The following PRKCH variants were observed in gnomAD, a reference collection of about 807,000 sequenced individuals.
The protein encoded by PRKCH is protein kinase C eta, also known as protein kinase C eta type.
Under a neutral mutation model 82.5 loss-of-function variants are expected in PRKCH, and 28 were observed. The observed-to-expected ratio is 0.34, with a 90% CI of 0.25 to 0.47. PRKCH has a LOEUF of 0.47. Among genes scored for constraint, PRKCH ranks in the 20% least tolerant of loss-of-function variants. The pLI is 1.00. For missense variants in PRKCH, 705 were observed against 881.8 expected, an observed-to-expected ratio of 0.80 and a Z score of 2.54; for synonymous variants, 322 against 327.4, an observed-to-expected ratio of 0.98 and a Z score of 0.18.
intron 1 of PRKCH, among the ~76,000 whole-genome samples, chr14:61,351,585 A>G (rs1351538217): frequency 6.6e-6 from 1 of 152,162 alleles, no homozygotes; most frequent in African/African-American, 2.4e-5. Flanking sequence ...TATTTGAGGG[A>G]ACTAAGTGGT....
Position 61,529,005 on chromosome 14 carries a change from T to TGTGTGTGTGTGTGTGTGC in PRKCH, c.1434-69_1434-68insTGTGTGTGTGTGTGTGCG, listed in dbSNP as rs1491304992. ...GTGTGTGTGTGTGTGTGTGTGTGTG[T>TGTGTGTGTGTGTGTGTGC]GCCCATTCTGAGAGGTGGATGGTTT... On this transcript the variant is annotated intron_variant, in intron 10 of 13. Coordinates refer to ENST00000332981, the MANE Select transcript of PRKCH (RefSeq NM_006255.5). The TGTGTGTGTGTGTGTGTGC allele has an allele frequency of 1.2e-3, 1,701 of 1,460,388 alleles. 78 individuals are homozygous for TGTGTGTGTGTGTGTGTGC. The African/African-American group carries it at 0.024, about 21-fold the overall frequency. The allele number at this position is 1,460,388 out of a possible 1,614,324, so 90.5% of individuals were successfully genotyped here.
Position 61,204,062 on chromosome 14 carries a change from G to A in PRKCH, c.-19+16394G>A, listed in dbSNP as rs373775951. ...AAGCTAAAGATGAGTAAATTATAAT[G>A]TATTTAACTAATGTTAAATACATTA... On this transcript the variant is annotated intron_variant, in intron 1 of 3. Coordinates refer to the PRKCH transcript ENST00000555185. Among the ~76,000 whole-genome samples the A allele has an allele frequency of 1.9e-4, 28 of 151,116 alleles. 2 individuals are homozygous for A. The highest frequency in any genetic ancestry group is 1.5e-3 in the Admixed American group (23 of 15,238).
intron 1 of PRKCH, among the ~76,000 whole-genome samples, chr14:61,268,063 A>C (rs1192868338): frequency 6.6e-6 from 1 of 152,194 alleles, no homozygotes; most frequent in Non-Finnish European, 1.5e-5. Flanking sequence ...AACTCTTCGG[A>C]ATCCCTTAAA....
At chr14:61,350,567 C>T (rs559660780) in intron 1 of PRKCH, among the ~76,000 whole-genome samples, 49 of 152,266 alleles carry the variant, frequency 3.2e-4, no homozygotes, top group African/African-American at 1.1e-3. Flanking sequence ...CAGAGACTCT[C>T]TTCTCACCTC....
chr14:61,346,341 T>C (rs2045991872), intron 1 of PRKCH, among the ~76,000 whole-genome samples: 1 of 152,206 alleles, frequency 6.6e-6, no homozygotes, highest in Admixed American at 6.5e-5. Context: ...TCTTTACTCC[T>C]AACAGTGAAT....
chr14:61,393,394 C>A (rs2046717201), intron 2 of PRKCH, among the ~76,000 whole-genome samples: 1 of 152,026 alleles, frequency 6.6e-6, no homozygotes. Flanking sequence ...ATCTTTAAAC[C>A]CATCTGTAGT....
chr14:61,483,401 C>G (rs1886068240), intron 9 of PRKCH, among the ~76,000 whole-genome samples: 1 of 152,246 alleles, frequency 6.6e-6, no homozygotes, highest in Non-Finnish European at 1.5e-5. Flanking sequence ...GCTGTATTTA[C>G]ATAGTTTGCC....
At chr14:61,389,307 A>C (rs2046636992) in intron 1 of PRKCH, among the ~76,000 whole-genome samples, 1 of 151,806 alleles carries the variant, frequency 6.6e-6, no homozygotes, top group African/African-American at 2.4e-5. Flanking sequence ...TCATGATTGC[A>C]GCATTGAAGT....
chr14:61,348,934 T>A (rs1370777696), intron 1 of PRKCH, among the ~76,000 whole-genome samples: 3 of 152,230 alleles, frequency 2.0e-5, no homozygotes, highest in Non-Finnish European at 4.4e-5. Context: ...ACTCTCTTAG[T>A]ATTTGTTGTA....
chr14:61,218,423 T>C (rs1472859444), intron 1 of PRKCH, among the ~76,000 whole-genome samples: 1 of 152,172 alleles, frequency 6.6e-6, no homozygotes, highest in East Asian at 1.9e-4. Flanking sequence ...AACATCCGCC[T>C]TCATTGTTGG....
intron 1 of PRKCH, among the ~76,000 whole-genome samples, chr14:61,329,573 A>G (rs1256005093): frequency 6.6e-6 from 1 of 152,160 alleles, no homozygotes; most frequent in Non-Finnish European, 1.5e-5. Context: ...GATGTTCTCC[A>G]TGATCTGTAC....
At chr14:61,286,096 A>G (rs745803384) in intron 1 of PRKCH, among the ~76,000 whole-genome samples, 3 of 152,248 alleles carry the variant, frequency 2.0e-5, no homozygotes, top group Non-Finnish European at 2.9e-5. Flanking sequence ...TAGTTCATTT[A>G]ATTCATGACT....
chr14:61,497,353 T>C (rs1470778846), intron 10 of PRKCH, among the ~76,000 whole-genome samples: 1 of 152,176 alleles, frequency 6.6e-6, no homozygotes, highest in Non-Finnish European at 1.5e-5. Context: ...ATTAAATTTG[T>C]GATGTGGAGG....
At chr14:61,262,889 C>G (rs75728293) in intron 1 of PRKCH, among the ~76,000 whole-genome samples, 9,703 of 152,146 alleles carry the variant, frequency 0.064, 374 homozygotes, top group East Asian at 0.14. Flanking sequence ...AAGATTTTCT[C>G]GAGTGCTTAC....
chr14:61,531,480 G>T (rs1230279018), intron 12 of PRKCH, among the ~76,000 whole-genome samples: 1 of 152,142 alleles, frequency 6.6e-6, no homozygotes, highest in Admixed American at 6.5e-5. Flanking sequence ...GGAAATATTT[G>T]CTATCTTGTT....
At chr14:61,516,704 T>C (rs567897024) in intron 10 of PRKCH, among the ~76,000 whole-genome samples, 1 of 152,298 alleles carries the variant, frequency 6.6e-6, no homozygotes, top group South Asian at 2.1e-4. Context: ...TACTATGATG[T>C]GAGTCCAGTA....
At chr14:61,489,918 A>G (rs1251010305) in intron 10 of PRKCH, among the ~76,000 whole-genome samples, 1 of 152,230 alleles carries the variant, frequency 6.6e-6, no homozygotes, top group African/African-American at 2.4e-5. Flanking sequence ...GCCAGCCAGC[A>G]CACATTTGAT....
intron 1 of PRKCH, among the ~76,000 whole-genome samples, chr14:61,194,842 T>C (rs2044430177): frequency 6.6e-6 from 1 of 152,182 alleles, no homozygotes; most frequent in Non-Finnish European, 1.5e-5. Context: ...CAAGTGATTC[T>C]CCTGCCTCAC....
At position 61,528,850 on chromosome 14, in the gene PRKCH, C is replaced by G. The variant is rs1004177239; in HGVS notation, c.1434-225C>G. On this transcript the variant is annotated intron_variant, in intron 10 of 13. Transcript: ENST00000332981. ...GTGGTCAGCCCATTCTTAATGGGCGCATCATCTTGGAGCCATGAGGCAAGT... is the reference window on the plus strand; with the variant it reads ...GTGGTCAGCCCATTCTTAATGGGCGGATCATCTTGGAGCCATGAGGCAAGT... 5 of 366,334 alleles carry G rather than the reference C, an allele frequency of 1.4e-5. No homozygotes were observed. In the East Asian group the frequency reaches 2.5e-4, roughly 18 times the overall value. 22.7% of individuals were successfully genotyped at this position (366,334 alleles called of 1,614,324 possible).
Sources: gnomAD v4.1 joint callset for allele counts (sites outside exome capture counted in the v4.1 genomes callset) on GRCh38, gnomAD v4.1.1 for gene constraint, MANE v1.5 for transcripts, NCBI Gene and HGNC (gene_info 2026-07-23, HGNC 2026-07-21) for gene names.